The following GABBR2 variants were observed in gnomAD, a reference collection of about 807,000 sequenced individuals.
GABBR2 encodes gamma-aminobutyric acid type B receptor subunit 2.
A neutral mutation model predicts 105.6 loss-of-function variants in GABBR2; 23 were observed. The observed-to-expected ratio is 0.22, with a 90% CI of 0.16 to 0.31. The LOEUF is 0.31. Ranked by LOEUF, GABBR2 falls within the 10% of genes least tolerant of loss-of-function variation. GABBR2 has a pLI of 1.00. For synonymous variants in GABBR2, 478 were observed against 499.7 expected, an observed-to-expected ratio of 0.96 and a Z score of 0.58; for missense variants, 734 against 1,245.5, an observed-to-expected ratio of 0.59 and a Z score of 6.18.
chr9:98,684,349 C>T (rs1830594629), intron 1 of GABBR2, among the ~76,000 whole-genome samples: 1 of 151,778 alleles, frequency 6.6e-6, no homozygotes, highest in Non-Finnish European at 1.5e-5. Context: ...TTGCATTTTC[C>T]AAATTTTCTA....
At chr9:98,344,428 A>C (rs527552471) in intron 13 of GABBR2, among the ~76,000 whole-genome samples, 8 of 152,188 alleles carry the variant, frequency 5.3e-5, no homozygotes, top group Non-Finnish European at 1.2e-4. Flanking sequence ...GAAACAGCCA[A>C]TCTTTCCATC....
chr9:98,399,706 T>C (rs1216451914), intron 8 of GABBR2, among the ~76,000 whole-genome samples: 1 of 149,272 alleles, frequency 6.7e-6, no homozygotes, highest in Admixed American at 6.6e-5. Flanking sequence ...AAAGGGTTTA[T>C]CTACATCAAA....
chr9:98,495,187 A>G (rs1827253393), intron 4 of GABBR2, among the ~76,000 whole-genome samples: 1 of 152,210 alleles, frequency 6.6e-6, no homozygotes, highest in Non-Finnish European at 1.5e-5. Context: ...TGTGACCCGC[A>G]GGCTCTGTAT....
chr9:98,595,473 C>T (rs1829221481), intron 1 of GABBR2, among the ~76,000 whole-genome samples: 1 of 150,702 alleles, frequency 6.6e-6, no homozygotes, highest in South Asian at 2.1e-4. Context: ...AGATGTAGTG[C>T]CAGGAATCAG....
At chr9:98,591,663 T>C (rs1829147017) in intron 1 of GABBR2, among the ~76,000 whole-genome samples, 1 of 152,174 alleles carries the variant, frequency 6.6e-6, no homozygotes, top group South Asian at 2.1e-4. Context: ...TAAAGGCCTG[T>C]GAGGCGTGGG....
intron 3 of GABBR2, among the ~76,000 whole-genome samples, chr9:98,501,460 T>C (rs1370117149): frequency 6.6e-6 from 1 of 152,182 alleles, no homozygotes; most frequent in African/African-American, 2.4e-5. Context: ...CCACTGCACG[T>C]GGCCAGGAAC....
chr9:98,413,711 A>G (rs1385303218), intron 7 of GABBR2, among the ~76,000 whole-genome samples: 2 of 152,170 alleles, frequency 1.3e-5, no homozygotes, highest in Non-Finnish European at 2.9e-5. Flanking sequence ...CCATAACCAG[A>G]CGGCTCAGAG....
intron 2 of GABBR2, among the ~76,000 whole-genome samples, chr9:98,553,281 C>T (rs1358223926): frequency 1.3e-5 from 2 of 152,006 alleles, no homozygotes; most frequent in Non-Finnish European, 2.9e-5. Flanking sequence ...AGTGACTTGC[C>T]TGGGGCCCCA....
chr9:98,533,732 C>G (rs1351658027), intron 3 of GABBR2, among the ~76,000 whole-genome samples: 1 of 152,122 alleles, frequency 6.6e-6, no homozygotes, highest in African/African-American at 2.4e-5. Flanking sequence ...GGAGGAAGAA[C>G]ACAGAGACGG....
At chr9:98,291,846 T>A (rs1436060582) in intron 18 of GABBR2, among the ~76,000 whole-genome samples, 2 of 152,240 alleles carry the variant, frequency 1.3e-5, no homozygotes, top group Non-Finnish European at 2.9e-5. Context: ...GTGCTCACTC[T>A]CTGCTAGGAG....
chr9:98,622,694 C>T (rs1266049958), intron 1 of GABBR2, among the ~76,000 whole-genome samples: 3 of 152,216 alleles, frequency 2.0e-5, no homozygotes, highest in African/African-American at 7.2e-5. Flanking sequence ...AGTGCCCCCC[C>T]AGCCCCATGT....
intron 3 of GABBR2, among the ~76,000 whole-genome samples, chr9:98,507,090 G>A (rs917334231): frequency 1.3e-5 from 2 of 152,146 alleles, no homozygotes; most frequent in South Asian, 2.1e-4. Context: ...TCCCTCTTTC[G>A]ATCAGCCAGG....
chr9:98,530,278 G>C (rs1238062440), intron 3 of GABBR2, among the ~76,000 whole-genome samples: 1 of 152,218 alleles, frequency 6.6e-6, no homozygotes, highest in African/African-American at 2.4e-5. Context: ...AGGTCCCCTT[G>C]AGACATGGTT....
At position 98,653,090 on chromosome 9, in the gene GABBR2, G is replaced by A. The variant is rs530841441; in HGVS notation, c.321+55327C>T. Among the ~76,000 whole-genome samples, 4 of 152,312 alleles carry A rather than the reference G, an allele frequency of 2.6e-5. No individual in the cohort carries two copies. In the South Asian group the frequency reaches 8.3e-4, roughly 32 times the overall value. On this transcript the variant is annotated intron_variant, in intron 1 of 18. Coordinates refer to ENST00000259455, the MANE Select transcript of GABBR2 (RefSeq NM_005458.8). ...TAGCCCACTGCAGCCTCGAACTCCT[G>A]GGCTCAAGCAATCCCACTGCCTCAG...
intron 11 of GABBR2, among the ~76,000 whole-genome samples, chr9:98,374,317 G>A (rs990067403): frequency 1.3e-5 from 2 of 152,216 alleles, no homozygotes; most frequent in Admixed American, 1.3e-4. Flanking sequence ...CTGGCATCTG[G>A]AAACTGCAAT....
intron 2 of GABBR2, 80 bp downstream of exon 2, chr9:98,577,855 T>C: frequency 7.2e-7 from 1 of 1,384,288 alleles, no homozygotes; most frequent in East Asian, 2.3e-5. Flanking sequence ...GAAACCACAT[T>C]GTACAAGGAA....
chr9:98,317,067 C>G (rs1401730224), intron 13 of GABBR2, among the ~76,000 whole-genome samples: 1 of 152,214 alleles, frequency 6.6e-6, no homozygotes, highest in East Asian at 1.9e-4. Flanking sequence ...GGAGGAAGAA[C>G]TTAATCGTTA....
chr9:98,462,886 C>T (rs1826450257), intron 6 of GABBR2, among the ~76,000 whole-genome samples: 2 of 152,076 alleles, frequency 1.3e-5, no homozygotes, highest in Admixed American at 1.3e-4. Context: ...GTACAATAAT[C>T]CTTTTTTCTT....
At chr9:98,612,647 A>T (rs1224029033) in intron 1 of GABBR2, among the ~76,000 whole-genome samples, 1 of 152,248 alleles carries the variant, frequency 6.6e-6, no homozygotes, top group Non-Finnish European at 1.5e-5. Flanking sequence ...GCTGTAATAA[A>T]CACACAGCAA....
Sources: gnomAD v4.1 joint callset for allele counts (sites outside exome capture counted in the v4.1 genomes callset) on GRCh38, gnomAD v4.1.1 for gene constraint, MANE v1.5 for transcripts, NCBI Gene and HGNC (gene_info 2026-07-23, HGNC 2026-07-21) for gene names.